Variants in PLCH1 observed in about 807,000 individuals in gnomAD.
The protein encoded by PLCH1 is phospholipase C eta 1.
Under a neutral mutation model 126.7 loss-of-function variants are expected in PLCH1, and 60 were observed. That is an observed-to-expected ratio of 0.47 (90% CI 0.38 to 0.59). PLCH1 has a LOEUF of 0.59. Among genes scored for constraint, PLCH1 ranks in the 20% least tolerant of loss-of-function variants. PLCH1 has a pLI of 0.00. For missense variants in PLCH1, 1,723 were observed against 2,040.0 expected (o/e 0.84, Z 2.99); for synonymous variants, 719 against 734.9 (o/e 0.98, Z 0.35).
intron 2 of PLCH1, among the ~76,000 whole-genome samples, chr3:155,672,148 T>C (rs561703702): frequency 1.3e-5 from 2 of 152,252 alleles, no homozygotes; most frequent in Admixed American, 6.5e-5. Flanking sequence ...TCCTACTGTG[T>C]TCCTGAAAGG....
At chr3:155,533,065 C>T (rs546186076) in intron 10 of PLCH1, among the ~76,000 whole-genome samples, 156 of 152,286 alleles carry the variant, frequency 1.0e-3, no homozygotes, top group Middle Eastern at 3.4e-3. Context: ...AGATGAGGAA[C>T]TTTTTGGGAA....
intron 2 of PLCH1, among the ~76,000 whole-genome samples, chr3:155,628,078 T>G (rs1433117820): frequency 6.6e-6 from 1 of 152,070 alleles, no homozygotes; most frequent in East Asian, 1.9e-4. Flanking sequence ...TAAGACACAT[T>G]TTTATGTGAA....
intron 2 of PLCH1, among the ~76,000 whole-genome samples, chr3:155,645,111 TG>T (rs978354980): frequency 5.6e-4 from 86 of 152,342 alleles, no homozygotes; most frequent in African/African-American, 1.9e-3. Context: ...GATGTCCAAT[TG>T]CCCCTAGATA....
chr3:155,468,576 A>G (rs375433805), intron 21 of PLCH1, among the ~76,000 whole-genome samples: 3 of 152,234 alleles, frequency 2.0e-5, no homozygotes, highest in African/African-American at 4.8e-5. Context: ...GAAACCAAAA[A>G]AGAGCAGGAG....
chr3:155,697,407 C>T (rs1481065988), intron 2 of PLCH1, among the ~76,000 whole-genome samples: 2 of 152,200 alleles, frequency 1.3e-5, no homozygotes, highest in South Asian at 2.1e-4. Context: ...CGTATAATAT[C>T]GTCAATGCCC....
chr3:155,486,110 AT>A, intron 21 of PLCH1: 1 of 1,331,930 alleles, frequency 7.5e-7, no homozygotes, highest in South Asian at 1.3e-5. Flanking sequence ...AAAAAGAAAT[AT>A]GCCAGCCAGA....
At chr3:155,726,183 G>T (rs1396624660) in intron 1 of PLCH1, among the ~76,000 whole-genome samples, 1 of 151,896 alleles carries the variant, frequency 6.6e-6, no homozygotes, top group African/African-American at 2.4e-5. Context: ...ACTTTCTTTG[G>T]TCTTCATTAT....
intron 2 of PLCH1, among the ~76,000 whole-genome samples, chr3:155,701,168 G>A (rs756402084): frequency 6.6e-6 from 1 of 152,192 alleles, no homozygotes; most frequent in South Asian, 2.1e-4. Context: ...AGATGAAATA[G>A]TAGGTAGATA....
intron 21 of PLCH1, among the ~76,000 whole-genome samples, chr3:155,486,497 T>C (rs1460201118): frequency 2.6e-5 from 4 of 151,548 alleles, no homozygotes; most frequent in East Asian, 1.9e-4. Flanking sequence ...TTTTAATTTA[T>C]TTCTGGCTCA....
At chr3:155,605,605 C>T (rs930006300) in intron 2 of PLCH1, among the ~76,000 whole-genome samples, 11 of 152,126 alleles carry the variant, frequency 7.2e-5, no homozygotes, top group Admixed American at 7.2e-4. Context: ...CTTTTCAAGC[C>T]CGAAAATGCC....
At position 155,481,698 on chromosome 3, in the gene PLCH1, T is replaced by C; in HGVS notation, c.4328A>G (p.Asp1443Gly). 1 of 1,614,174 alleles carries C rather than the reference T, an allele frequency of 6.2e-7. No homozygotes were observed. Among genetic ancestry groups the C allele is most frequent in the Non-Finnish European group, 8.5e-7 (1 of 1,180,024 alleles). Reference protein sequence around the residue: ...GFVHNHFSDSDAKMFQTCVPQ... With the variant: ...GFVHNHFSDSGAKMFQTCVPQ... ...CACACAGGTCTGGAACATTTTTGCA[T>C]CTGAATCTGAGAAATGATTATGCAC... Residue 1443 changes from aspartate to glycine, a missense_variant, in exon 23 of 23, where the codon GAT (aspartate) becomes GGT (glycine). This residue lies in a region of PLCH1 where 947 missense variants were observed against 977.1 expected (regional missense o/e 0.97). Coordinates refer to ENST00000460012, the MANE Select transcript of PLCH1 (RefSeq NM_014996.4). The surrounding 1 kb of genome is among the most constrained non-coding windows in gnomAD (Gnocchi z 4.2).
At chr3:155,696,896 C>A (rs1745858641) in intron 2 of PLCH1, among the ~76,000 whole-genome samples, 1 of 152,220 alleles carries the variant, frequency 6.6e-6, no homozygotes, top group African/African-American at 2.4e-5. Context: ...TTTCACTTGG[C>A]AGCAATAGGC....
intron 9 of PLCH1, among the ~76,000 whole-genome samples, chr3:155,551,351 A>C (rs769687963): frequency 7.5e-5 from 11 of 147,228 alleles, no homozygotes; most frequent in Non-Finnish European, 1.0e-4. Context: ...AGGCTGAGGC[A>C]AGAGAATCGC....
chr3:155,463,283 C>T (rs1305492676), intron 21 of PLCH1, among the ~76,000 whole-genome samples: 1 of 152,164 alleles, frequency 6.6e-6, no homozygotes, highest in African/African-American at 2.4e-5. Flanking sequence ...TTTTCAACTA[C>T]CATAGGTGAT....
At chr3:155,559,725 T>C (rs1727328689) in intron 8 of PLCH1, among the ~76,000 whole-genome samples, 1 of 152,176 alleles carries the variant, frequency 6.6e-6, no homozygotes. Flanking sequence ...TGTACAAGTA[T>C]CTGGAGAAGG....
chr3:155,633,933 C>T (rs1174051306), intron 2 of PLCH1, among the ~76,000 whole-genome samples: 1 of 151,940 alleles, frequency 6.6e-6, no homozygotes, highest in African/African-American at 2.4e-5. Context: ...ACAAACAAAA[C>T]AACTCCATGG....
intron 21 of PLCH1, among the ~76,000 whole-genome samples, chr3:155,487,333 A>T (rs571159235): frequency 7.2e-5 from 11 of 152,194 alleles, no homozygotes; most frequent in Admixed American, 5.2e-4. Flanking sequence ...GGACATTTCT[A>T]GGCCCCATTC....
At chr3:155,676,390 AGCGC>A in intron 2 of PLCH1, 1 of 1,022,198 alleles carries the variant, frequency 9.8e-7, no homozygotes, top group Non-Finnish European at 1.2e-6. Flanking sequence ...TGCTTCGTGC[AGCGC>A]GTTAAAGCCC....
chr3:155,673,604 C>T (rs1177575133), intron 2 of PLCH1, among the ~76,000 whole-genome samples: 1 of 152,176 alleles, frequency 6.6e-6, no homozygotes, highest in African/African-American at 2.4e-5. Context: ...CTCTCATGAT[C>T]TGGGAATTGG....
Sources: gnomAD v4.1 joint callset for allele counts (sites outside exome capture counted in the v4.1 genomes callset) on GRCh38, gnomAD v4.1.1 for gene constraint, gnomAD v4.1.1 regional missense constraint, Gnocchi (gnomAD v3.1) non-coding constraint, MANE v1.5 for transcripts, NCBI Gene and HGNC (gene_info 2026-07-23, HGNC 2026-07-21) for gene names.